The following MACROD2 variants were observed in gnomAD, a reference collection of about 807,000 sequenced individuals.
The protein encoded by MACROD2 is ADP-ribose glycohydrolase MACROD2.
MACROD2 carries 36 observed loss-of-function variants against 70.4 expected under a neutral mutation model. The ratio of observed to expected loss-of-function variants is 0.51; its 90% CI spans 0.39 to 0.68. The LOEUF (loss-of-function observed/expected upper bound fraction) is 0.68. Among genes scored for constraint, MACROD2 ranks in the 30% least tolerant of loss-of-function variants. MACROD2 has a pLI of 0.00. For synonymous variants in MACROD2, 172 were observed against 178.8 expected, an observed-to-expected ratio of 0.96 and a Z score of 0.30; for missense variants, 496 against 538.4, an observed-to-expected ratio of 0.92 and a Z score of 0.78.
At chr20:15,223,156 T>C (rs1442544097) in intron 5 of MACROD2, among the ~76,000 whole-genome samples, 1 of 152,222 alleles carries the variant, frequency 6.6e-6, no homozygotes, top group East Asian at 1.9e-4. Flanking sequence ...TCCATTTGTC[T>C]TGCCACACTT....
intron 3 of MACROD2, among the ~76,000 whole-genome samples, chr20:14,308,827 T>C (rs555061837): frequency 1.3e-5 from 2 of 151,832 alleles, no homozygotes; most frequent in South Asian, 4.2e-4. Flanking sequence ...AAAGAGAGAA[T>C]AGGAAAGAAA....
chr20:14,449,973 A>G (rs1357073216), intron 3 of MACROD2, among the ~76,000 whole-genome samples: 2 of 152,116 alleles, frequency 1.3e-5, no homozygotes, highest in Non-Finnish European at 2.9e-5. Flanking sequence ...GTGACTAGGC[A>G]TGGCTTAGAA....
At chr20:15,258,726 C>T (rs2077222136) in intron 6 of MACROD2, among the ~76,000 whole-genome samples, 2 of 152,048 alleles carry the variant, frequency 1.3e-5, no homozygotes, top group South Asian at 4.1e-4. Context: ...CCAAATAGTA[C>T]TTTTGAAAAA....
At chr20:14,112,397 C>A (rs1221999745) in intron 3 of MACROD2, among the ~76,000 whole-genome samples, 1 of 151,892 alleles carries the variant, frequency 6.6e-6, no homozygotes, top group Non-Finnish European at 1.5e-5. Context: ...AGGATAAATG[C>A]TTGAGGGGAT....
chr20:14,417,650 A>T (rs1392918250), intron 3 of MACROD2, among the ~76,000 whole-genome samples: 1 of 152,228 alleles, frequency 6.6e-6, no homozygotes, highest in Non-Finnish European at 1.5e-5. Context: ...ATTAGACAAA[A>T]TATTTTTATG....
At chr20:15,106,540 C>G (rs756176464) in intron 5 of MACROD2, among the ~76,000 whole-genome samples, 16 of 152,254 alleles carry the variant, frequency 1.1e-4, no homozygotes, top group Admixed American at 3.3e-4. Context: ...CAGGCTTGAA[C>G]CCTCAGAAGA....
intron 5 of MACROD2, among the ~76,000 whole-genome samples, chr20:14,727,538 A>G (rs572010134): frequency 6.6e-6 from 1 of 152,214 alleles, no homozygotes; most frequent in South Asian, 2.1e-4. Context: ...CTGTCTCAAA[A>G]CAGAAAGAGA....
chr20:14,324,577 G>C (rs924904919), intron 3 of MACROD2: 1 of 152,048 alleles, frequency 6.6e-6, no homozygotes, highest in Non-Finnish European at 1.5e-5. Flanking sequence ...GGATTGTTGA[G>C]GGGAATCGCT....
intron 8 of MACROD2, among the ~76,000 whole-genome samples, chr20:15,759,560 T>C (rs1455293599): frequency 6.6e-6 from 1 of 152,174 alleles, no homozygotes; most frequent in African/African-American, 2.4e-5. Flanking sequence ...TAGGTTTCAC[T>C]TGTACCTATT....
At chr20:15,954,532 G>C (rs1219366456) in intron 12 of MACROD2, among the ~76,000 whole-genome samples, 2 of 152,154 alleles carry the variant, frequency 1.3e-5, no homozygotes, top group Non-Finnish European at 2.9e-5. Context: ...TAGGTTTCAT[G>C]AGTGGAAAGA....
At chr20:15,505,652 A>G (rs1478753575) in intron 8 of MACROD2, among the ~76,000 whole-genome samples, 6 of 152,108 alleles carry the variant, frequency 3.9e-5, no homozygotes, top group Admixed American at 2.0e-4. Context: ...TCTCCTCCCT[A>G]GACAGATCCC....
chr20:15,780,559 A>G (rs1322655282), intron 8 of MACROD2, among the ~76,000 whole-genome samples: 1 of 152,188 alleles, frequency 6.6e-6, no homozygotes, highest in African/African-American at 2.4e-5. Context: ...TAAGACTTTA[A>G]GAATATTGTA....
intron 13 of MACROD2, among the ~76,000 whole-genome samples, chr20:15,975,014 A>T (rs1041346809): frequency 5.3e-5 from 8 of 152,234 alleles, no homozygotes; most frequent in Non-Finnish European, 1.2e-4. Context: ...ACAACAAAAG[A>T]GCTAATTTTT....
chr20:14,811,518 G>T (rs903164308), intron 5 of MACROD2, among the ~76,000 whole-genome samples: 2 of 152,042 alleles, frequency 1.3e-5, no homozygotes, highest in Non-Finnish European at 1.5e-5. Flanking sequence ...ACATAGGCAT[G>T]GGCAAAGACT....
At chr20:14,416,910 T>A (rs977061391) in intron 3 of MACROD2, among the ~76,000 whole-genome samples, 1 of 152,234 alleles carries the variant, frequency 6.6e-6, no homozygotes, top group Non-Finnish European at 1.5e-5. Context: ...GGCAAGGTGC[T>A]GTGTTTATTC....
chr20:14,332,452 A>G (rs1454445270), intron 3 of MACROD2, among the ~76,000 whole-genome samples: 1 of 152,102 alleles, frequency 6.6e-6, no homozygotes, highest in Non-Finnish European at 1.5e-5. Context: ...GGTATTTCTT[A>G]TGTTTTGAGA....
In MACROD2 at chr20:14,698,816, T is replaced by G. The variant is rs117548753; in HGVS notation, c.418+13857T>G. ...TTTAATTATTTTAATAAATTTAGTA[T>G]AATTTAATTATTTATAATTATTAAC... On this transcript the variant is annotated intron_variant, in intron 5 of 17. Coordinates refer to ENST00000684519, the MANE Select transcript of MACROD2 (RefSeq NM_001351661.2). Among the ~76,000 whole-genome samples, 353 of 149,768 alleles carry G rather than the reference T, an allele frequency of 2.4e-3. 2 individuals are homozygous for G. Among genetic ancestry groups the G allele is most frequent in the Non-Finnish European group, 4.0e-3 (271 of 67,486 alleles).
At chr20:15,412,885 G>A (rs1025755540) in intron 6 of MACROD2, among the ~76,000 whole-genome samples, 1 of 152,130 alleles carries the variant, frequency 6.6e-6, no homozygotes, top group East Asian at 1.9e-4. Flanking sequence ...ATATCATAGG[G>A]AGTCATTACA....
intron 3 of MACROD2, among the ~76,000 whole-genome samples, chr20:14,247,646 AAGATGACGTTTTTAACACTGC>A (rs2081977976): frequency 6.6e-6 from 1 of 152,236 alleles, no homozygotes; most frequent in African/African-American, 2.4e-5. Context: ...GTGGGTAGTG[AAGATGACGTTTTTAACACTGC>A]AGAAGAAGTG....
Sources: allele counts gnomAD v4.1 joint callset (sites outside exome capture counted in the v4.1 genomes callset), GRCh38; gene constraint gnomAD v4.1.1; transcripts MANE v1.5; gene names NCBI Gene and HGNC (gene_info 2026-07-23, HGNC 2026-07-21).